Variants in NT5DC1 observed in about 807,000 individuals in gnomAD.
NT5DC1 encodes the protein 5'-nucleotidase domain containing 1.
NT5DC1 carries 42 observed loss-of-function variants against 59.4 expected under a neutral mutation model. The ratio of observed to expected loss-of-function variants is 0.71; its 90% CI spans 0.55 to 0.92. The LOEUF is 0.92. Among genes scored for constraint, NT5DC1 ranks in the 40% least tolerant of loss-of-function variants. The probability of loss-of-function intolerance (pLI) is 0.00; values close to 1 mark genes in which losing one functional copy is unlikely to be tolerated. For synonymous variants in NT5DC1, 172 were observed against 188.1 expected, an observed-to-expected ratio of 0.91 and a Z score of 0.70; for missense variants, 501 against 537.1, an observed-to-expected ratio of 0.93 and a Z score of 0.66.
intron 6 of NT5DC1, chr6:116,121,999 G>A (rs1779146993): frequency 1.3e-6 from 2 of 1,549,186 alleles, no homozygotes; most frequent in Non-Finnish European, 1.8e-6. Context: ...CATAGAAGGG[G>A]ATGGTTAGTG....
chr6:116,125,656 T>A, intron 6 of NT5DC1: 3 of 640,350 alleles, frequency 4.7e-6, no homozygotes, highest in Non-Finnish European at 7.7e-6. Flanking sequence ...AAATGAGAGA[T>A]CATTTTTTAG....
chr6:116,134,847 G>T (rs1779550630), intron 6 of NT5DC1, among the ~76,000 whole-genome samples: 1 of 152,144 alleles, frequency 6.6e-6, no homozygotes, highest in Non-Finnish European at 1.5e-5. Flanking sequence ...AAGTAGGCAT[G>T]GTAGGAGGAT....
Position 116,240,646 on chromosome 6 carries a change from T to C in NT5DC1, c.1252+1523T>C, listed in dbSNP as rs144177204. Among the ~76,000 whole-genome samples, 7 of 152,124 alleles carry C rather than the reference T, an allele frequency of 4.6e-5. No individual in the cohort carries two copies. The East Asian group carries it at 1.4e-3, about 29-fold the overall frequency. On this transcript the variant is annotated intron_variant, in intron 11 of 11. Transcript: ENST00000319550. ...GAAACAAAATGAAGAAAAAATAAAT[T>C]CAGAGTTAACTGCTAAATGCCAAAG...
At chr6:116,103,017 A>G (rs532717107) in intron 1 of NT5DC1, among the ~76,000 whole-genome samples, 1 of 152,198 alleles carries the variant, frequency 6.6e-6, no homozygotes, top group East Asian at 1.9e-4. Context: ...TTCTAAGCCC[A>G]CCTTCAGTTT....
chr6:116,151,382 TTA>T (rs1780033267), intron 6 of NT5DC1, among the ~76,000 whole-genome samples: 1 of 152,236 alleles, frequency 6.6e-6, no homozygotes, highest in East Asian at 1.9e-4. Context: ...GAAAGATTCT[TTA>T]TGTTTTCAAC....
intron 6 of NT5DC1, among the ~76,000 whole-genome samples, chr6:116,196,805 A>G (rs767465380): frequency 5.3e-5 from 8 of 151,696 alleles, no homozygotes; most frequent in African/African-American, 1.5e-4. Context: ...AGCCTTGTGT[A>G]TGCTGTTTTT....
chr6:116,210,248 A>T (rs1306448572), intron 6 of NT5DC1, among the ~76,000 whole-genome samples: 1 of 152,002 alleles, frequency 6.6e-6, no homozygotes, highest in Non-Finnish European at 1.5e-5. Flanking sequence ...AAATAAATTT[A>T]TATGTAAGGT....
At chr6:116,239,479 T>C (rs978584329) in intron 11 of NT5DC1, among the ~76,000 whole-genome samples, 1 of 152,184 alleles carries the variant, frequency 6.6e-6, no homozygotes, top group African/African-American at 2.4e-5. Flanking sequence ...AGTGGGCCTT[T>C]CAGTAACTTC....
intron 8 of NT5DC1, among the ~76,000 whole-genome samples, chr6:116,228,055 T>C (rs1781943924): frequency 6.6e-6 from 1 of 152,242 alleles, no homozygotes; most frequent in Admixed American, 6.5e-5. Flanking sequence ...ACTAGCAGTC[T>C]ACTGTGTTTC....
intron 2 of NT5DC1, 123 bp from the exon 3 acceptor site, chr6:116,108,241 C>T (rs1778804268): frequency 1.5e-6 from 1 of 669,894 alleles, no homozygotes; most frequent in Non-Finnish European, 2.7e-6. Context: ...GTGTGATTAA[C>T]ATATCATTCC....
intron 6 of NT5DC1, among the ~76,000 whole-genome samples, chr6:116,206,387 A>G (rs923413204): frequency 1.3e-5 from 2 of 152,044 alleles, no homozygotes; most frequent in African/African-American, 4.8e-5. Context: ...ATCATTTTAT[A>G]GATAAGCCAA....
At chr6:116,162,363 A>G (rs927313325) in intron 6 of NT5DC1, among the ~76,000 whole-genome samples, 2 of 152,168 alleles carry the variant, frequency 1.3e-5, no homozygotes, top group African/African-American at 4.8e-5. Flanking sequence ...CCAGTTCTTA[A>G]AGGAAATGCT....
In NT5DC1 at chr6:116,147,996, A is replaced by AG. The variant is rs1399936445; in HGVS notation, c.529+30053dup. Among the ~76,000 whole-genome samples, 338 of 150,966 alleles carry AG rather than the reference A, an allele frequency of 2.2e-3. 2 individuals carry two copies. The highest frequency in any genetic ancestry group is 8.2e-3 in the African/African-American group (333 of 40,830). Reference sequence around the variant, plus strand: ...CGAGACTCTGTCTCAAAAAAAAAAAAGGTGGGGGGGGTTGGAGGCACCTTG... The same window carrying AG: ...CGAGACTCTGTCTCAAAAAAAAAAAAGGGTGGGGGGGGTTGGAGGCACCTTG... On this transcript the variant is annotated intron_variant, in intron 6 of 11. Coordinates refer to ENST00000319550, the MANE Select transcript of NT5DC1 (RefSeq NM_152729.3).
chr6:116,229,681 T>C (rs1017064936), intron 8 of NT5DC1, among the ~76,000 whole-genome samples: 2 of 152,182 alleles, frequency 1.3e-5, no homozygotes, highest in Non-Finnish European at 1.5e-5. Context: ...TAAATTATCA[T>C]TGGAGAGGGA....
rs554983482 is a variant in NT5DC1, at chr6:116,211,704, T to C, written c.530-9350T>C. Reference sequence around the variant, plus strand: ...TGTGTACAAATTCTGTACTACCTATTACAGAGAATTTCCTTTTTCTAAGAC... The same window carrying C: ...TGTGTACAAATTCTGTACTACCTATCACAGAGAATTTCCTTTTTCTAAGAC... On this transcript the variant is annotated intron_variant, in intron 6 of 11. Transcript: ENST00000319550. Among the ~76,000 whole-genome samples the C allele has an allele frequency of 2.0e-5, 3 of 152,208 alleles. No individual in the cohort carries two copies. The East Asian group carries it at 5.8e-4, about 30-fold the overall frequency.
chr6:116,220,828 TAGCC>T (rs61002582), intron 6 of NT5DC1, among the ~76,000 whole-genome samples: 15,262 of 152,210 alleles, frequency 0.1, 1,249 homozygotes, highest in African/African-American at 0.23. Context: ...TCTTGTCAAA[TAGCC>T]AGCGAATATT....
chr6:116,127,440 C>T (rs2114317103), intron 6 of NT5DC1, among the ~76,000 whole-genome samples: 1 of 152,084 alleles, frequency 6.6e-6, no homozygotes, highest in South Asian at 2.1e-4. Flanking sequence ...CTCATAGATA[C>T]ATATAAAATA....
intron 6 of NT5DC1, among the ~76,000 whole-genome samples, chr6:116,216,527 T>C (rs1306033302): frequency 2.0e-5 from 3 of 152,004 alleles, no homozygotes; most frequent in Admixed American, 6.6e-5. Flanking sequence ...TTGTATATTA[T>C]GTTTTTCTCT....
Position 116,243,967 on chromosome 6 carries a change from C to CTACT in NT5DC1, c.1312_1315dup (p.Tyr439LeufsTer12). ...CTTCAAGCAATTCAAAAACAGCTGGCTACTATCCAAATCCTCCACTGGTCT... is the reference window on the plus strand; with the variant it reads ...CTTCAAGCAATTCAAAAACAGCTGGCTACTTACTATCCAAATCCTCCACTGGTCT... On this transcript the variant is annotated frameshift_variant, in exon 12 of 12. Transcript: ENST00000319550. LOFTEE classifies it high-confidence loss of function. 1 of 1,582,300 alleles carries CTACT rather than the reference C, an allele frequency of 6.3e-7. No individual in the cohort carries two copies. The highest frequency in any genetic ancestry group is 1.3e-5 in the African/African-American group (1 of 74,260).
Sources: allele counts gnomAD v4.1 joint callset (sites outside exome capture counted in the v4.1 genomes callset), GRCh38; gene constraint gnomAD v4.1.1; transcripts MANE v1.5; gene names NCBI Gene and HGNC (gene_info 2026-07-23, HGNC 2026-07-21).